The following ANKLE2 variants were observed in gnomAD, a reference collection of about 807,000 sequenced individuals.
The protein encoded by ANKLE2 is ankyrin repeat and LEM domain-containing protein 2.
Under a neutral mutation model 84.2 loss-of-function variants are expected in ANKLE2, and 55 were observed. That is an observed-to-expected ratio of 0.65 (90% CI 0.53 to 0.82). The LOEUF is 0.82. ANKLE2 is among the 40% of genes least tolerant of loss of function. ANKLE2 has a pLI of 0.00. For synonymous variants in ANKLE2, 551 were observed against 486.1 expected (o/e 1.13, Z -1.76); for missense variants, 1,238 against 1,201.9 (o/e 1.03, Z -0.44).
At chr12:132,746,850 T>A (rs1026203243) in intron 5 of ANKLE2, among the ~76,000 whole-genome samples, 1 of 152,170 alleles carries the variant, frequency 6.6e-6, no homozygotes, top group Non-Finnish European at 1.5e-5. Context: ...TTGGTTTCAC[T>A]AACACGCTCC....
Position 132,747,984 on chromosome 12 carries a change from T to C in ANKLE2, c.1078A>G (p.Lys360Glu). 5.6e-6 allele frequency: 9 copies of C among 1,597,868 alleles called. No individual in the cohort carries two copies. The highest frequency in any genetic ancestry group is 7.7e-6 in the Non-Finnish European group (9 of 1,175,808). ...CRYNVMHVAA[K>E]ENQASICQLT... ...TGGCAGATGGAAGCCTGGTTCTCTTTGGCAGCAACATGCATCACGTTGTAC... is the reference window on the plus strand; with the variant it reads ...TGGCAGATGGAAGCCTGGTTCTCTTCGGCAGCAACATGCATCACGTTGTAC... Residue 360 changes from lysine (K) to glutamate (E), a missense_variant, in exon 5 of 13, where the codon AAA (lysine) becomes GAA (glutamate). Lys to Glu is a moderately conservative substitution (Grantham distance 56, BLOSUM62 1). Around this residue, in one of 3 missense-constraint regions of ANKLE2, gnomAD observed 802 missense variants for 774.5 expected, o/e 1.04. Transcript: ENST00000357997.
chr12:132,735,240 G>A (rs1374948722), intron 9 of ANKLE2, 166 bp downstream of exon 9: 2 of 666,874 alleles, frequency 3.0e-6, no homozygotes. Flanking sequence ...GCTTAAGCTA[G>A]AATTCCACAA....
chr12:132,756,134 G>C (rs1375143270), intron 1 of ANKLE2: 1 of 152,002 alleles, frequency 6.6e-6, no homozygotes, highest in East Asian at 2.0e-4. Flanking sequence ...TGTATTCTTT[G>C]GGAGGCAGGC....
At chr12:132,758,216 C>G (rs1447382764) in intron 1 of ANKLE2, 1 of 152,090 alleles carries the variant, frequency 6.6e-6, no homozygotes, top group Non-Finnish European at 1.5e-5. Flanking sequence ...TTGAGACCAG[C>G]CTGGCCAACA....
chr12:132,748,386 C>T (rs1405757694), intron 3 of ANKLE2, 55 bp from the exon 4 acceptor site: 3 of 1,589,164 alleles, frequency 1.9e-6, no homozygotes, highest in Non-Finnish European at 1.7e-6. Context: ...AGTCACTCAT[C>T]ACCCATGCAC....
intron 1 of ANKLE2, chr12:132,761,278 T>G: frequency 4.8e-6 from 1 of 208,896 alleles, no homozygotes; most frequent in Non-Finnish European, 9.5e-6. Context: ...GCCGCCCTCC[T>G]TTGGGCCATC....
Position 132,744,003 on chromosome 12 carries a change from C to T in ANKLE2, c.1231-727G>A, listed in dbSNP as rs56232075. Among the ~76,000 whole-genome samples, 1,458 of 152,316 alleles carry T rather than the reference C, an allele frequency of 9.6e-3. 26 individuals carry two copies. Among genetic ancestry groups the T allele is most frequent in the African/African-American group, 0.033 (1,385 of 41,554 alleles). On this transcript the variant is annotated intron_variant, in intron 5 of 12. Coordinates refer to ENST00000357997, the MANE Select transcript of ANKLE2 (RefSeq NM_015114.3). The stretch of plus-strand genomic sequence containing the variant: ...TAAACGAAATTTTTTTCACTGCTGA[C>T]GATGCTGCATCGCGCCCTGGCTGGG...
rs774560024 is a variant in ANKLE2 at position 132,727,191 on chromosome 12, G to A, written c.*51C>T. On this transcript the variant is annotated 3_prime_UTR_variant, in exon 13 of 13. Coordinates refer to ENST00000357997, the MANE Select transcript of ANKLE2 (RefSeq NM_015114.3). Reference sequence around the variant, plus strand: ...TTTGACAGTTTAGCAATAAACATATGACCCTTCCTTCTTTAAAAATGAAGA... The same window carrying A: ...TTTGACAGTTTAGCAATAAACATATAACCCTTCCTTCTTTAAAAATGAAGA... 2 of 1,466,780 alleles carry A rather than the reference G, an allele frequency of 1.4e-6. No homozygotes were observed. Among genetic ancestry groups the A allele is most frequent in the South Asian group, 2.7e-5 (2 of 74,246 alleles). The allele number at this position is 1,466,780 out of a possible 1,614,324, so 90.9% of individuals were successfully genotyped here. A position where few individuals can be genotyped will look rare whatever the true frequency, so the allele number is the denominator to read the frequency against.
At chr12:132,747,044 G>T (rs73157027) in intron 5 of ANKLE2, among the ~76,000 whole-genome samples, 1 of 152,304 alleles carries the variant, frequency 6.6e-6, no homozygotes, top group East Asian at 1.9e-4. Flanking sequence ...GGCCTGGCCC[G>T]GGGGGCACTC....
chr12:132,735,097 T>A, intron 9 of ANKLE2: 1 of 358,338 alleles, frequency 2.8e-6, no homozygotes, highest in Non-Finnish European at 5.1e-6. Context: ...TCCCAAGGAA[T>A]CCATAGCATT....
intron 1 of ANKLE2, 26 bp downstream of exon 1, chr12:132,761,592 G>A: frequency 1.6e-6 from 2 of 1,217,592 alleles, no homozygotes; most frequent in Admixed American, 8.7e-5. Context: ...CAGGGTGCGG[G>A]GACCCAGCGA....
intron 5 of ANKLE2, among the ~76,000 whole-genome samples, chr12:132,745,988 A>C (rs956475070): frequency 1.3e-5 from 2 of 152,194 alleles, no homozygotes; most frequent in African/African-American, 4.8e-5. Context: ...TGTCCTTCCT[A>C]GGGGTACAGG....
intron 9 of ANKLE2, 91 bp downstream of exon 9, chr12:132,735,315 G>T: frequency 2.6e-6 from 3 of 1,154,566 alleles, no homozygotes; most frequent in Non-Finnish European, 3.9e-6. Flanking sequence ...TCTGGAAATT[G>T]GTACTTTGAA....
chr12:132,740,086 T>C (rs756730694), intron 7 of ANKLE2, among the ~76,000 whole-genome samples: 1 of 152,238 alleles, frequency 6.6e-6, no homozygotes, highest in Admixed American at 6.5e-5. Context: ...ACAGTGTGGT[T>C]TGAAAATCCG....
chr12:132,738,349 A>G (rs2044054992), intron 7 of ANKLE2: 1 of 152,230 alleles, frequency 6.6e-6, no homozygotes, highest in African/African-American at 2.4e-5. Context: ...AGCGCAGTCA[A>G]GCCATATAGG....
rs915513494 is a variant in ANKLE2 at position 132,761,778 on chromosome 12, C to G, written c.21G>C (p.Ala7=). Residue 7 remains alanine (A), a synonymous_variant, in exon 1 of 13, where the codon GCG becomes GCC. Coordinates refer to ENST00000357997, the MANE Select transcript of ANKLE2 (RefSeq NM_015114.3). The part of the protein sequence containing the change: MLWPRL[A]AAEWAALAWE... ...AGGCCAGCGCCGCCCACTCGGCCGC[C>G]GCCAGCCGCGGCCACAGCATCGCCG... 2 of 1,156,270 alleles carry G rather than the reference C, an allele frequency of 1.7e-6. No individual in the cohort carries two copies. Among genetic ancestry groups the G allele is most frequent in the African/African-American group, 1.6e-5 (1 of 61,114 alleles). The allele number at this position is 1,156,270 out of a possible 1,614,324, so 71.6% of individuals were successfully genotyped here.
chr12:132,741,423 T>C lies in ANKLE2; in HGVS notation c.1416A>G (p.Leu472=), dbSNP rs376840070. The C allele has an allele frequency of 4.3e-6, 7 of 1,614,196 alleles. No homozygotes were observed. The highest frequency in any genetic ancestry group is 1.7e-5 in the Admixed American group (1 of 60,020). Reference sequence around the variant, plus strand: ...GGCACCAACTCCCCATCTTACCCTTTAAATACTCTCTGATCCGCTCCTTCA... The same window carrying C: ...GGCACCAACTCCCCATCTTACCCTTCAAATACTCTCTGATCCGCTCCTTCA... ...VELKERIREY[L]KGHYYVPLLR... Residue 472 remains leucine (L), a synonymous_variant, in exon 7 of 13, where the codon TTA becomes TTG. Coordinates refer to ENST00000357997, the MANE Select transcript of ANKLE2 (RefSeq NM_015114.3).
Position 132,741,481 on chromosome 12 carries a change from A to G in ANKLE2, c.1358T>C (p.Ile453Thr). The change falls in exon 7 of 13, where the codon ATT becomes ACT. Residue 453 changes from isoleucine to threonine, a missense_variant. Transcript: ENST00000357997. ...NKYDKTPEDV[I>T]CERSKNKSVE... Reference sequence around the variant, plus strand: ...AGATTTATTTTTGCTTCTTTCACAAATTACCTATTGGAAAAAAAAGTGTGT... The same window carrying G: ...AGATTTATTTTTGCTTCTTTCACAAGTTACCTATTGGAAAAAAAAGTGTGT... 6.2e-7 allele frequency: 1 copy of G among 1,614,142 alleles called. No individual in the cohort carries two copies. The highest frequency in any genetic ancestry group is 8.5e-7 in the Non-Finnish European group (1 of 1,179,974).
At chr12:132,755,782 C>G (rs912725131) in intron 1 of ANKLE2, 1 of 150,066 alleles carries the variant, frequency 6.7e-6, no homozygotes, top group Non-Finnish European at 1.5e-5. Context: ...GTTGGTCTTG[C>G]ACTCCCGACC....
Sources: gnomAD v4.1 joint callset for allele counts (sites outside exome capture counted in the v4.1 genomes callset) on GRCh38, gnomAD v4.1.1 for gene constraint, gnomAD v4.1.1 regional missense constraint, MANE v1.5 for transcripts, NCBI Gene and HGNC (gene_info 2026-07-23, HGNC 2026-07-21) for gene names.